Variants in ALG12 observed in about 807,000 individuals in gnomAD.
ALG12 encodes the protein dol-P-Man:Man(7)GlcNAc(2)-PP-Dol alpha-1,6-mannosyltransferase.
ALG12 carries 36 observed loss-of-function variants against 46.0 expected under a neutral mutation model. The observed-to-expected ratio is 0.78, with a 90% CI of 0.60 to 1.03. ALG12 has a LOEUF of 1.03. Ranked by LOEUF, ALG12 falls within the 50% of genes least tolerant of loss-of-function variation. ALG12 has a pLI of 0.00. For synonymous variants in ALG12, 326 were observed against 291.6 expected, an observed-to-expected ratio of 1.12 and a Z score of -1.20; for missense variants, 599 against 633.5, an observed-to-expected ratio of 0.95 and a Z score of 0.58.
the ALG12 span, chr22:49,883,704 T>G: frequency 6.3e-4 from 1,013 of 1,604,482 alleles, 9 homozygotes; most frequent in East Asian, 0.022. Context: ...AGGACGGTGA[T>G]TTCGTTTCTG....
the ALG12 span, among the ~76,000 whole-genome samples, chr22:49,892,869 CTAAG>C: frequency 6.6e-6 from 1 of 152,172 alleles, no homozygotes; most frequent in Non-Finnish European, 1.5e-5. Flanking sequence ...AAAAAAAGGA[CTAAG>C]TGACTGAAAA....
At chr22:49,878,191 G>T in the ALG12 span, among the ~76,000 whole-genome samples, 6,889 of 151,348 alleles carry the variant, frequency 0.046, 358 homozygotes, top group African/African-American at 0.13. Context: ...TGTAATTCCA[G>T]CTACTCAGGA....
intron 6 of ALG12, 81 bp downstream of exon 6, chr22:49,909,163 T>G (rs2060560902): frequency 7.2e-7 from 1 of 1,396,130 alleles, no homozygotes; most frequent in Non-Finnish European, 1.0e-6. Context: ...GAGAAGCAGC[T>G]GCTTCCACTG....
At position 49,902,535 on chromosome 22, in the gene ALG12, C is replaced by A. The variant is rs2060517825; in HGVS notation, c.*1303G>T. 8.8e-6 allele frequency: 1 copy of A among 113,694 alleles called. No homozygotes were observed. Among genetic ancestry groups the A allele is most frequent in the African/African-American group, 5.3e-5 (1 of 18,930 alleles). The allele number at this position is 113,694 out of a possible 1,614,324, so 7.0% of individuals were successfully genotyped here. On this transcript the variant is annotated 3_prime_UTR_variant, in exon 10 of 10. Coordinates refer to ENST00000330817, the MANE Select transcript of ALG12 (RefSeq NM_024105.4). ...TGCACTGTGTATGCATGGTAATGTG[C>A]ACGCGTGCACTGTGTGTATGCATGG...
chr22:49,870,943 A>ATTTT, the ALG12 span, among the ~76,000 whole-genome samples: 13,999 of 137,950 alleles, frequency 0.1, 949 homozygotes, highest in African/African-American at 0.18. Flanking sequence ...TAAAAGATAG[A>ATTTT]TTTTTTTTTT....
the ALG12 span, among the ~76,000 whole-genome samples, chr22:49,894,289 G>A: frequency 2.0e-5 from 3 of 152,184 alleles, no homozygotes; most frequent in African/African-American, 7.2e-5. Flanking sequence ...AGGTAAGAAA[G>A]GAAAAATAAC....
At chr22:49,865,583 G>A in the ALG12 span, among the ~76,000 whole-genome samples, 3 of 152,278 alleles carry the variant, frequency 2.0e-5, no homozygotes, top group Admixed American at 1.3e-4. Context: ...GCTGAGGCAG[G>A]AGAATGGCTT....
At chr22:49,878,766 G>T in the ALG12 span, among the ~76,000 whole-genome samples, 1 of 152,084 alleles carries the variant, frequency 6.6e-6, no homozygotes, top group Admixed American at 6.6e-5. Flanking sequence ...TAGAAGACGA[G>T]GTGGGTGGAT....
chr22:49,883,906 G>A, the ALG12 span: 2 of 1,607,818 alleles, frequency 1.2e-6, no homozygotes, highest in Non-Finnish European at 1.7e-6. Flanking sequence ...GAGTGAGGAT[G>A]ACTATGGCGC....
intron 6 of ALG12, 140 bp from the exon 7 acceptor site, chr22:49,908,084 C>G: frequency 1.2e-6 from 1 of 827,756 alleles, no homozygotes; most frequent in African/African-American, 1.7e-5. Flanking sequence ...TGCACAGACA[C>G]CACTCAGGCC....
At chr22:49,875,147 C>T in the ALG12 span, among the ~76,000 whole-genome samples, 2 of 151,678 alleles carry the variant, frequency 1.3e-5, no homozygotes, top group Non-Finnish European at 2.9e-5. Flanking sequence ...AATGTCTTTG[C>T]TGGTTTTGGT....
the ALG12 span, chr22:49,885,513 G>T: frequency 1.2e-6 from 2 of 1,609,984 alleles, no homozygotes; most frequent in African/African-American, 1.3e-5. Context: ...CTGAGGTCTC[G>T]GAGACGGCTC....
In ALG12 at chr22:49,903,809, T is replaced by A. The variant is rs756061447; in HGVS notation, c.*29A>T. The A allele has an allele frequency of 3.7e-6, 6 of 1,609,764 alleles. No individual in the cohort carries two copies. In the South Asian group the frequency reaches 6.6e-5, roughly 18 times the overall value. ...TAGTGATAACAGCTCCTGGAAGGCC[T>A]GTGGCTGCTGAGGGCTGCCTGGTCC... On this transcript the variant is annotated 3_prime_UTR_variant, in exon 10 of 10. Coordinates refer to ENST00000330817, the MANE Select transcript of ALG12 (RefSeq NM_024105.4).
the ALG12 span, chr22:49,885,787 TATG>T: frequency 6.2e-7 from 1 of 1,605,680 alleles, no homozygotes; most frequent in Non-Finnish European, 8.5e-7. Context: ...CCCAGGTATG[TATG>T]ATAATGTGAA....
chr22:49,881,274 A>T, the ALG12 span, among the ~76,000 whole-genome samples: 4 of 152,264 alleles, frequency 2.6e-5, no homozygotes, highest in African/African-American at 9.6e-5. Context: ...ACTTGAACCC[A>T]GGAAGCGGAG....
chr22:49,869,660 CT>C, the ALG12 span, among the ~76,000 whole-genome samples: 1 of 152,028 alleles, frequency 6.6e-6, no homozygotes, highest in Non-Finnish European at 1.5e-5. Context: ...CTTAAAATAG[CT>C]TTCATGGAAA....
the ALG12 span, among the ~76,000 whole-genome samples, chr22:49,864,364 C>A: frequency 6.6e-6 from 1 of 152,240 alleles, no homozygotes; most frequent in African/African-American, 2.4e-5. Flanking sequence ...TATATCATTA[C>A]TGAAAACAGT....
chr22:49,873,023 G>A, the ALG12 span, among the ~76,000 whole-genome samples: 1 of 152,274 alleles, frequency 6.6e-6, no homozygotes, highest in East Asian at 1.9e-4. Flanking sequence ...TAGAGCTGGG[G>A]TTTTGCCATG....
Position 49,904,441 on chromosome 22 carries a change from A to G in ALG12, c.1058T>C (p.Val353Ala). 6.2e-7 allele frequency: 1 copy of G among 1,614,144 alleles called. No homozygotes were observed. The highest frequency in any genetic ancestry group is 1.3e-5 in the African/African-American group (1 of 75,020). The change falls in exon 8 of 10, where the codon GTG (valine) becomes GCG (alanine). Residue 353 changes from valine to alanine, a missense_variant. Coordinates refer to ENST00000330817, the MANE Select transcript of ALG12 (RefSeq NM_024105.4). ...CGTGGCTGAGTAGGCGGCATTCACC[A>G]CGAGGTGTCCGATCACAAGCAGAGA... ...AGSLLVIGHLVVNAAYSATAL... is the reference protein window; with the variant it reads ...AGSLLVIGHLAVNAAYSATAL...
Sources: allele counts gnomAD v4.1 joint callset (sites outside exome capture counted in the v4.1 genomes callset), GRCh38; gene constraint gnomAD v4.1.1; transcripts MANE v1.5; gene names NCBI Gene and HGNC (gene_info 2026-07-23, HGNC 2026-07-21).